The following SGCZ variants were observed in gnomAD, a reference collection of about 807,000 sequenced individuals.
SGCZ encodes zeta-sarcoglycan.
Under a neutral mutation model 41.3 loss-of-function variants are expected in SGCZ, and 40 were observed. That is an observed-to-expected ratio of 0.97 (90% CI 0.75 to 1.26). SGCZ has a LOEUF of 1.26. Ranked by LOEUF, SGCZ falls within the 50% of genes most tolerant of loss-of-function variation. The probability of loss-of-function intolerance (pLI) is 0.00; values close to 1 mark genes in which losing one functional copy is unlikely to be tolerated. For synonymous variants in SGCZ, 206 were observed against 137.5 expected (o/e 1.50, Z -3.49); for missense variants, 552 against 369.8 (o/e 1.49, Z -4.04).
intron 5 of SGCZ, among the ~76,000 whole-genome samples, chr8:14,136,640 C>T (rs999969014): frequency 6.6e-6 from 1 of 152,168 alleles, no homozygotes; most frequent in Non-Finnish European, 1.5e-5. Flanking sequence ...GTAAACAAAG[C>T]TGCCAGGAAG....
chr8:14,514,246 T>TA (rs1403310630), intron 2 of SGCZ, among the ~76,000 whole-genome samples: 5 of 152,228 alleles, frequency 3.3e-5, no homozygotes, highest in African/African-American at 1.2e-4. Context: ...AAGCACTTGA[T>TA]ACGGTATCAG....
At chr8:14,571,272 G>T (rs11203629) in intron 1 of SGCZ, among the ~76,000 whole-genome samples, 1 of 152,080 alleles carries the variant, frequency 6.6e-6, no homozygotes, top group Admixed American at 6.5e-5. Context: ...CCTTCCACCA[G>T]GTCACTCCCT....
rs905783330 is a variant in SGCZ at position 14,673,236 on chromosome 8, C to T, written c.40-118310G>A. 2.6e-5 allele frequency among the ~76,000 whole-genome samples: 4 copies of T among 152,304 alleles called. No individual in the cohort carries two copies. In the East Asian group the frequency reaches 7.7e-4, roughly 29 times the overall value. The stretch of plus-strand genomic sequence containing the variant: ...CTATTAGATGGTTGATATGGTTTGG[C>T]TCTGTATCCCCACCCAAATCTCATC... On this transcript the variant is annotated intron_variant, in intron 1 of 7. Coordinates refer to ENST00000382080, the MANE Select transcript of SGCZ (RefSeq NM_139167.4).
intron 1 of SGCZ, among the ~76,000 whole-genome samples, chr8:15,055,086 G>A (rs1043698487): frequency 6.6e-6 from 1 of 151,810 alleles, no homozygotes; most frequent in African/African-American, 2.4e-5. Flanking sequence ...TGCCATCCTT[G>A]TGGTAGGGTA....
At chr8:15,035,108 G>A (rs992624462) in intron 1 of SGCZ, among the ~76,000 whole-genome samples, 2 of 151,962 alleles carry the variant, frequency 1.3e-5, no homozygotes, top group African/African-American at 2.4e-5. Context: ...AGTATGAAGG[G>A]TAAATGACAA....
intron 1 of SGCZ, among the ~76,000 whole-genome samples, chr8:14,559,782 T>A (rs1000878287): frequency 6.6e-6 from 1 of 152,118 alleles, no homozygotes; most frequent in South Asian, 2.1e-4. Flanking sequence ...GAAACGCTGA[T>A]AACGGTAGAT....
At chr8:15,064,317 C>T (rs9657249) in intron 1 of SGCZ, among the ~76,000 whole-genome samples, 10,162 of 152,068 alleles carry the variant, frequency 0.067, 485 homozygotes, top group African/African-American at 0.12. Context: ...CTATGAATGA[C>T]ATCATCATTT....
At chr8:14,495,005 T>C (rs1476987677) in intron 2 of SGCZ, among the ~76,000 whole-genome samples, 1 of 152,178 alleles carries the variant, frequency 6.6e-6, no homozygotes, top group African/African-American at 2.4e-5. Flanking sequence ...CTTATATCCA[T>C]GTGTTTGCCA....
At chr8:14,393,639 G>A (rs956215952) in intron 2 of SGCZ, among the ~76,000 whole-genome samples, 18 of 149,260 alleles carry the variant, frequency 1.2e-4, no homozygotes, top group African/African-American at 4.4e-4. Flanking sequence ...TCTCCATAGA[G>A]AAAGCTGTTT....
At chr8:14,723,080 T>C (rs1809941298) in intron 1 of SGCZ, among the ~76,000 whole-genome samples, 1 of 152,106 alleles carries the variant, frequency 6.6e-6, no homozygotes, top group Admixed American at 6.6e-5. Flanking sequence ...TCAAAAGAAA[T>C]GCACAAATAT....
At chr8:15,114,657 T>C (rs184625394) in intron 1 of SGCZ, among the ~76,000 whole-genome samples, 51 of 152,258 alleles carry the variant, frequency 3.3e-4, no homozygotes, top group Admixed American at 6.5e-4. Context: ...GAATAGTTAC[T>C]GAACCCATAC....
intron 4 of SGCZ, among the ~76,000 whole-genome samples, chr8:14,177,752 C>A (rs1804590068): frequency 6.7e-6 from 1 of 148,712 alleles, no homozygotes; most frequent in Non-Finnish European, 1.5e-5. Flanking sequence ...TCTCGATCTC[C>A]TGACCTCGTG....
chr8:14,390,516 GA>G (rs1804733513), intron 2 of SGCZ, among the ~76,000 whole-genome samples: 1 of 151,700 alleles, frequency 6.6e-6, no homozygotes, highest in Non-Finnish European at 1.5e-5. Context: ...TAAGGAACAT[GA>G]AATTTACATG....
intron 2 of SGCZ, among the ~76,000 whole-genome samples, chr8:14,517,181 A>T (rs1277007289): frequency 6.6e-6 from 1 of 151,822 alleles, no homozygotes; most frequent in Non-Finnish European, 1.5e-5. Context: ...ACATGAGGGG[A>T]TGATGGCGCT....
intron 2 of SGCZ, among the ~76,000 whole-genome samples, chr8:14,370,157 G>C (rs1180644640): frequency 1.3e-5 from 2 of 151,882 alleles, no homozygotes; most frequent in African/African-American, 4.8e-5. Flanking sequence ...CAAAGGAGAA[G>C]AAAGGAGAGT....
At chr8:14,582,796 A>G (rs1424106530) in intron 1 of SGCZ, among the ~76,000 whole-genome samples, 3 of 151,068 alleles carry the variant, frequency 2.0e-5, no homozygotes, top group Non-Finnish European at 4.4e-5. Context: ...ACTGAGAATG[A>G]TGATTTCCAG....
chr8:14,814,196 C>T (rs1177093070), intron 1 of SGCZ, among the ~76,000 whole-genome samples: 3 of 151,894 alleles, frequency 2.0e-5, no homozygotes, highest in South Asian at 2.1e-4. Flanking sequence ...TTTATGTTAA[C>T]GTCTCATCTC....
intron 1 of SGCZ, among the ~76,000 whole-genome samples, chr8:14,828,451 C>G (rs1386319107): frequency 6.6e-6 from 1 of 152,148 alleles, no homozygotes; most frequent in Non-Finnish European, 1.5e-5. Flanking sequence ...TGATGGTTAC[C>G]AAAACCTTTG....
chr8:14,889,888 T>A (rs981391236), intron 1 of SGCZ, among the ~76,000 whole-genome samples: 1 of 152,042 alleles, frequency 6.6e-6, no homozygotes, highest in African/African-American at 2.4e-5. Context: ...GTGTCACACA[T>A]CTCTCACTTT....
Sources: allele counts gnomAD v4.1 joint callset (sites outside exome capture counted in the v4.1 genomes callset), GRCh38; gene constraint gnomAD v4.1.1; transcripts MANE v1.5; gene names NCBI Gene and HGNC (gene_info 2026-07-23, HGNC 2026-07-21).